PLEKHM3: variants seen among roughly 807,000 people sequenced by gnomAD.
PLEKHM3 encodes the protein pleckstrin homology domain-containing family M member 3.
Under a neutral mutation model 81.8 loss-of-function variants are expected in PLEKHM3, and 45 were observed. That is an observed-to-expected ratio of 0.55 (90% CI 0.43 to 0.71). The LOEUF (loss-of-function observed/expected upper bound fraction) is 0.71, where lower values mean the gene tolerates loss of function less well. Among genes scored for constraint, PLEKHM3 ranks in the 30% least tolerant of loss-of-function variants. The probability of loss-of-function intolerance (pLI) is 0.00; values close to 1 mark genes in which losing one functional copy is unlikely to be tolerated. For synonymous variants in PLEKHM3, 352 were observed against 356.4 expected, an observed-to-expected ratio of 0.99 and a Z score of 0.14; for missense variants, 788 against 924.3, an observed-to-expected ratio of 0.85 and a Z score of 1.91.
intron 6 of PLEKHM3, among the ~76,000 whole-genome samples, chr2:207,867,723 A>G (rs1355132132): frequency 6.6e-6 from 1 of 152,140 alleles, no homozygotes; most frequent in Non-Finnish European, 1.5e-5. Context: ...ATTTATGTTT[A>G]TAAATATATT....
intron 2 of PLEKHM3, among the ~76,000 whole-genome samples, chr2:207,987,960 T>G (rs1015472753): frequency 6.6e-6 from 1 of 152,248 alleles, no homozygotes; most frequent in African/African-American, 2.4e-5. Flanking sequence ...CACCATCATC[T>G]ATATTCTCTA....
intron 2 of PLEKHM3, among the ~76,000 whole-genome samples, chr2:207,987,629 G>T (rs1691772326): frequency 6.6e-6 from 1 of 152,152 alleles, no homozygotes; most frequent in Non-Finnish European, 1.5e-5. Context: ...TGACAACACA[G>T]TTCCTTACCC....
chr2:207,985,917 G>A (rs575109843), intron 2 of PLEKHM3, among the ~76,000 whole-genome samples: 6 of 151,516 alleles, frequency 4.0e-5, no homozygotes, highest in Admixed American at 3.9e-4. Flanking sequence ...GAACCTGGGA[G>A]GTGGAGCTTG....
chr2:207,836,307 G>C (rs2105884241), intron 7 of PLEKHM3, among the ~76,000 whole-genome samples: 1 of 67,670 alleles, frequency 1.5e-5, no homozygotes, highest in South Asian at 4.3e-4. Flanking sequence ...CTGGGCGACA[G>C]AGAGAGAGTC....
At chr2:207,845,637 C>T (rs926822473) in intron 7 of PLEKHM3, among the ~76,000 whole-genome samples, 2 of 152,066 alleles carry the variant, frequency 1.3e-5, no homozygotes, top group Admixed American at 6.6e-5. Flanking sequence ...TCACATATCT[C>T]GGTAATGCCT....
At chr2:207,828,880 C>G (rs2092268554) in intron 7 of PLEKHM3, among the ~76,000 whole-genome samples, 1 of 152,106 alleles carries the variant, frequency 6.6e-6, no homozygotes, top group African/African-American at 2.4e-5. Flanking sequence ...GCTCGGCACA[C>G]CAGTGACAGC....
intron 3 of PLEKHM3, among the ~76,000 whole-genome samples, chr2:207,973,187 G>A (rs1179152716): frequency 6.6e-6 from 1 of 152,208 alleles, no homozygotes; most frequent in Non-Finnish European, 1.5e-5. Flanking sequence ...TTCACTGAAG[G>A]TGTGTTTTTA....
intron 7 of PLEKHM3, among the ~76,000 whole-genome samples, chr2:207,849,023 A>C (rs962466196): frequency 6.6e-6 from 1 of 152,224 alleles, no homozygotes; most frequent in African/African-American, 2.4e-5. Context: ...AGACTGATGT[A>C]GAAAATATTC....
chr2:207,931,005 G>A lies in PLEKHM3; in HGVS notation c.1807C>T (p.Arg603Trp). Residue 603 changes from arginine to tryptophan, a missense_variant, in exon 5 of 8, where the codon CGG (arginine) becomes TGG (tryptophan). By Grantham distance (101) the Arg-to-Trp change is moderately radical (BLOSUM62 -3). Coordinates refer to ENST00000427836, the MANE Select transcript of PLEKHM3 (RefSeq NM_001080475.3). Reference sequence around the variant, plus strand: ...AGCGACTTCAGCCGCTGCCGCAGCCGCAGCACGGCGGCCAGCGGCTCTGCG... The same window carrying A: ...AGCGACTTCAGCCGCTGCCGCAGCCACAGCACGGCGGCCAGCGGCTCTGCG... The part of the protein sequence containing the change: ...HHAEPLAAVL[R>W]LRQRLKSLRA... 1.9e-6 allele frequency: 3 copies of A among 1,613,952 alleles called. No homozygotes were observed. Among genetic ancestry groups the A allele is most frequent in the Non-Finnish European group, 2.5e-6 (3 of 1,179,848 alleles).
rs762043388 is a variant in PLEKHM3 at position 207,977,174 on chromosome 2, C to T, written c.1023G>A (p.Lys341=). 4 of 1,614,198 alleles carry T rather than the reference C, an allele frequency of 2.5e-6. No homozygotes were observed. The East Asian group carries it at 8.9e-5, about 36-fold the overall frequency. Residue 341 remains lysine, a synonymous_variant, in exon 3 of 8, where the codon AAG becomes AAA. Coordinates refer to ENST00000427836, the MANE Select transcript of PLEKHM3 (RefSeq NM_001080475.3). The part of the protein sequence containing the change: ...DDYTQNHSFQ[K]KTSGLLPPSP... ...ACGGTGGCAGCAGCCCACTGGTTTT[C>T]TTCTGGAAACTATGATTCTGTGTAT...
chr2:207,863,915 AT>A lies in PLEKHM3; in HGVS notation c.1951-2654del, dbSNP rs556494917. The stretch of plus-strand genomic sequence containing the variant: ...GCAATAAGTCAGAAAAGCAAAAAAA[AT>A]ATATATATATATTAGAAAAGCAAAA... On this transcript the variant is annotated intron_variant, in intron 6 of 7. Transcript: ENST00000427836. Among the ~76,000 whole-genome samples, 508 of 147,690 alleles carry A rather than the reference AT, an allele frequency of 3.4e-3. 5 individuals carry two copies. Among genetic ancestry groups the A allele is most frequent in the African/African-American group, 0.012 (474 of 40,650 alleles).
At chr2:207,872,928 G>A (rs965893342) in intron 6 of PLEKHM3, among the ~76,000 whole-genome samples, 2 of 152,068 alleles carry the variant, frequency 1.3e-5, no homozygotes, top group Non-Finnish European at 2.9e-5. Flanking sequence ...AAAACAGAAA[G>A]CAAAACAAAG....
At chr2:207,970,100 G>A (rs1223921437) in intron 3 of PLEKHM3, among the ~76,000 whole-genome samples, 1 of 152,086 alleles carries the variant, frequency 6.6e-6, no homozygotes, top group Non-Finnish European at 1.5e-5. Flanking sequence ...CTCATCAAAA[G>A]CCTGTCCTAC....
chr2:207,970,186 A>T (rs775238512), intron 3 of PLEKHM3, among the ~76,000 whole-genome samples: 4 of 151,306 alleles, frequency 2.6e-5, no homozygotes, highest in Non-Finnish European at 4.4e-5. Flanking sequence ...GAAAAAATGC[A>T]GGGAGGAAAA....
Position 207,843,169 on chromosome 2 carries a change from C to G in PLEKHM3, c.2109-14673G>C, listed in dbSNP as rs951487337. ...CTCGCCATGTTGCCCAGGCTGGTCT[C>G]AAACTCCTAGGCTCAAGTGATCTGC... On this transcript the variant is annotated intron_variant, in intron 7 of 7. Transcript: ENST00000427836. The surrounding 1 kb of genome is among the most constrained non-coding windows in gnomAD (Gnocchi z 4.4). Among the ~76,000 whole-genome samples, 10 of 152,144 alleles carry G rather than the reference C, an allele frequency of 6.6e-5. No homozygotes were observed. The highest frequency in any genetic ancestry group is 2.4e-4 in the African/African-American group (10 of 41,430).
intron 2 of PLEKHM3, among the ~76,000 whole-genome samples, chr2:208,000,198 C>A (rs1047358787): frequency 1.3e-5 from 2 of 152,182 alleles, no homozygotes; most frequent in Non-Finnish European, 2.9e-5. Flanking sequence ...CCTCCCCAGC[C>A]ATTTCCTTGT....
At chr2:207,872,398 T>C (rs1161946674) in intron 6 of PLEKHM3, among the ~76,000 whole-genome samples, 1 of 152,242 alleles carries the variant, frequency 6.6e-6, no homozygotes, top group Non-Finnish European at 1.5e-5. Flanking sequence ...GAAGTTCTTG[T>C]ATAAAAATTC....
chr2:207,873,924 G>A (rs1429757606), intron 6 of PLEKHM3, among the ~76,000 whole-genome samples: 2 of 152,190 alleles, frequency 1.3e-5, no homozygotes, highest in African/African-American at 4.8e-5. Flanking sequence ...GCTCACTGAT[G>A]AGGAAAAACA....
intron 3 of PLEKHM3, among the ~76,000 whole-genome samples, chr2:207,951,878 C>T (rs79532512): frequency 0.014 from 2,123 of 152,268 alleles, 58 homozygotes; most frequent in African/African-American, 0.048. Flanking sequence ...ACCTTCAGTT[C>T]TCCTTTCCCT....
Sources: allele counts gnomAD v4.1 joint callset (sites outside exome capture counted in the v4.1 genomes callset), GRCh38; gene constraint gnomAD v4.1.1; non-coding constraint Gnocchi (gnomAD v3.1); transcripts MANE v1.5; gene names NCBI Gene and HGNC (gene_info 2026-07-23, HGNC 2026-07-21).